Variants in SAMSN1 observed in about 807,000 individuals in gnomAD.
The protein encoded by SAMSN1 is SAM domain-containing protein SAMSN-1.
A neutral mutation model predicts 42.0 loss-of-function variants in SAMSN1; 31 were observed. The observed-to-expected ratio is 0.74, with a 90% CI of 0.55 to 1.00. The LOEUF (loss-of-function observed/expected upper bound fraction) is 1.00. Ranked by LOEUF, SAMSN1 falls within the 50% of genes least tolerant of loss-of-function variation. The pLI is 0.00. For synonymous variants in SAMSN1, 178 were observed against 151.9 expected (o/e 1.17, Z -1.26); for missense variants, 464 against 439.4 (o/e 1.06, Z -0.50).
At chr21:14,577,161 T>C (rs1412262053) in intron 2 of SAMSN1, among the ~76,000 whole-genome samples, 2 of 134,156 alleles carry the variant, frequency 1.5e-5, no homozygotes, top group Admixed American at 1.6e-4. Context: ...GTTCAAGTGA[T>C]TCTCCTGCCT....
intron 3 of SAMSN1, among the ~76,000 whole-genome samples, chr21:14,613,659 T>C (rs1237430567): frequency 6.6e-6 from 1 of 152,174 alleles, no homozygotes; most frequent in Non-Finnish European, 1.5e-5. Flanking sequence ...TTAGGACATC[T>C]CTTGGCACAT....
At chr21:14,567,580 C>T (rs1327013930) in intron 2 of SAMSN1, among the ~76,000 whole-genome samples, 1 of 152,146 alleles carries the variant, frequency 6.6e-6, no homozygotes, top group Non-Finnish European at 1.5e-5. Context: ...TTATCCACTG[C>T]ACCCATTAGA....
intron 1 of SAMSN1, among the ~76,000 whole-genome samples, chr21:14,526,995 G>T (rs1180053511): frequency 6.6e-6 from 1 of 152,150 alleles, no homozygotes; most frequent in East Asian, 1.9e-4. Context: ...TTTGGGTAAG[G>T]TGCTGGTGGA....
chr21:14,643,369 A>G (rs371664996), intron 1 of SAMSN1, among the ~76,000 whole-genome samples: 10 of 152,226 alleles, frequency 6.6e-5, no homozygotes, highest in Non-Finnish European at 1.3e-4. Context: ...AATTTAAACA[A>G]GAGTTTAAGT....
chr21:14,612,017 G>A (rs932948580), intron 4 of SAMSN1, among the ~76,000 whole-genome samples: 8 of 152,188 alleles, frequency 5.3e-5, no homozygotes, highest in African/African-American at 1.9e-4. Context: ...GGCGGATCAC[G>A]AGGTCAAGAG....
At chr21:14,559,486 GA>G (rs1351788197) in intron 2 of SAMSN1, among the ~76,000 whole-genome samples, 1 of 152,066 alleles carries the variant, frequency 6.6e-6, no homozygotes, top group Non-Finnish European at 1.5e-5. Flanking sequence ...GGTCCCTTGG[GA>G]GAATCTGTCT....
chr21:14,564,182 C>G (rs9980764), intron 2 of SAMSN1, among the ~76,000 whole-genome samples: 1 of 151,944 alleles, frequency 6.6e-6, no homozygotes, highest in Admixed American at 6.6e-5. Flanking sequence ...CTAAGAGGAC[C>G]TTAGATGCCT....
chr21:14,554,625 G>A (rs968434946), intron 2 of SAMSN1, among the ~76,000 whole-genome samples: 4 of 151,626 alleles, frequency 2.6e-5, no homozygotes, highest in South Asian at 4.1e-4. Flanking sequence ...GAAAAAACCC[G>A]ACTGGAATTT....
chr21:14,611,414 C>G (rs1404683790), intron 4 of SAMSN1, among the ~76,000 whole-genome samples: 1 of 152,196 alleles, frequency 6.6e-6, no homozygotes, highest in African/African-American at 2.4e-5. Flanking sequence ...ATTGATAACA[C>G]AAATGTTGAA....
At chr21:14,586,563 T>A (rs573993181), upstream of SAMSN1, among the ~76,000 whole-genome samples, 1 of 152,298 alleles carries the variant, frequency 6.6e-6, no homozygotes, top group Non-Finnish European at 1.5e-5. Flanking sequence ...TCACAGTTTT[T>A]ATCAAGTCTA....
intron 1 of SAMSN1, among the ~76,000 whole-genome samples, chr21:14,645,121 G>A (rs1427859857): frequency 6.6e-6 from 1 of 152,204 alleles, no homozygotes; most frequent in Non-Finnish European, 1.5e-5. Context: ...AGGCATGACA[G>A]GATTTGCCAC....
chr21:14,643,343 T>C (rs1206258911), intron 1 of SAMSN1, among the ~76,000 whole-genome samples: 2 of 152,160 alleles, frequency 1.3e-5, no homozygotes, highest in Non-Finnish European at 2.9e-5. Flanking sequence ...ATTACCACCA[T>C]TATTACAGAG....
intron 2 of SAMSN1, among the ~76,000 whole-genome samples, chr21:14,560,172 A>T (rs1401130211): frequency 6.6e-6 from 1 of 152,196 alleles, no homozygotes; most frequent in Non-Finnish European, 1.5e-5. Flanking sequence ...GAAGTTAGGA[A>T]ATGTTTTACT....
chr21:14,517,806 A>G (rs1987983034), intron 2 of SAMSN1, among the ~76,000 whole-genome samples: 1 of 148,684 alleles, frequency 6.7e-6, no homozygotes, highest in South Asian at 2.1e-4. Flanking sequence ...TGTCAATATA[A>G]TTAATATATT....
chr21:14,494,984 G>A (rs924564701), intron 7 of SAMSN1, among the ~76,000 whole-genome samples: 2 of 152,114 alleles, frequency 1.3e-5, no homozygotes, highest in African/African-American at 4.8e-5. Flanking sequence ...GATTAGCAAA[G>A]CAAATCCTTT....
At chr21:14,631,541 T>C (rs1410464348) in intron 2 of SAMSN1, among the ~76,000 whole-genome samples, 1 of 152,196 alleles carries the variant, frequency 6.6e-6, no homozygotes. Flanking sequence ...CAATTTTTTG[T>C]ATTTTTAATA....
chr21:14,548,019 C>G (rs975662039), upstream of SAMSN1, among the ~76,000 whole-genome samples: 3 of 152,090 alleles, frequency 2.0e-5, no homozygotes, highest in Admixed American at 2.0e-4. Context: ...CCCAGAAATA[C>G]ATCTTTTAGA....
intron 2 of SAMSN1, among the ~76,000 whole-genome samples, chr21:14,571,089 G>T (rs1483512038): frequency 1.3e-5 from 2 of 151,946 alleles, no homozygotes; most frequent in African/African-American, 2.4e-5. Flanking sequence ...CTGACTCCTC[G>T]CCTATTATTG....
chr21:14,493,727 G>T (rs903480832), intron 7 of SAMSN1, among the ~76,000 whole-genome samples: 12 of 152,032 alleles, frequency 7.9e-5, no homozygotes, highest in Non-Finnish European at 4.4e-5. Context: ...AACAGATCCT[G>T]CTCTCTTGTC....
Sources: allele counts gnomAD v4.1 joint callset (sites outside exome capture counted in the v4.1 genomes callset), GRCh38; gene constraint gnomAD v4.1.1; transcripts MANE v1.5; gene names NCBI Gene and HGNC (gene_info 2026-07-23, HGNC 2026-07-21).